Variants in HROB observed in about 807,000 individuals in gnomAD.
HROB encodes the protein homologous recombination factor with OB-fold.
In HROB, 44 loss-of-function variants were observed where a neutral mutation model predicts 61.0. The observed-to-expected ratio is 0.72, with a 90% confidence interval of 0.57 to 0.93. The LOEUF is 0.93. Ranked by LOEUF, HROB falls within the 40% of genes least tolerant of loss-of-function variation. HROB has a pLI of 0.00. For synonymous variants in HROB, 301 were observed against 310.4 expected, an observed-to-expected ratio of 0.97 and a Z score of 0.32; for missense variants, 716 against 796.2, an observed-to-expected ratio of 0.90 and a Z score of 1.21.
intron 9 of HROB, 23 bp downstream of exon 9, chr17:44,157,964 G>A: frequency 6.4e-7 from 1 of 1,566,612 alleles, no homozygotes; most frequent in Non-Finnish European, 8.8e-7. Flanking sequence ...GCCCATCTGG[G>A]AGCAAGAGAG....
chr17:44,152,427 G>GA (rs372164359), intron 4 of HROB, among the ~76,000 whole-genome samples: 2,965 of 131,054 alleles, frequency 0.023, 90 homozygotes, highest in African/African-American at 0.076. Flanking sequence ...AAAGCAATCA[G>GA]AAAAAAAAAA....
At chr17:44,157,741 C>T in intron 8 of HROB, 92 bp from the exon 9 acceptor site, 3 of 904,192 alleles carry the variant, frequency 3.3e-6, no homozygotes, top group Non-Finnish European at 3.4e-6. Flanking sequence ...CTGAGCCCCA[C>T]ACTGTTCGTT....
At chr17:44,159,549 T>C (rs541164435) in intron 9 of HROB, among the ~76,000 whole-genome samples, 1 of 152,116 alleles carries the variant, frequency 6.6e-6, no homozygotes, top group African/African-American at 2.4e-5. Flanking sequence ...CTACCACCAA[T>C]GCGTGGAGTC....
chr17:44,160,493 G>A (rs757843959), intron 9 of HROB, among the ~76,000 whole-genome samples: 3 of 152,084 alleles, frequency 2.0e-5, no homozygotes, highest in Non-Finnish European at 4.4e-5. Flanking sequence ...GCATGAACCT[G>A]GGAGGCGGAG....
intron 4 of HROB, among the ~76,000 whole-genome samples, chr17:44,151,559 A>G (rs1283244806): frequency 6.6e-6 from 1 of 152,182 alleles, no homozygotes; most frequent in Non-Finnish European, 1.5e-5. Context: ...CAGATCTGCC[A>G]GTCCATTTCA....
rs1487253904 is a variant in HROB at position 44,142,013 on chromosome 17, C to T, written c.-130C>T. ...CCCTATATCGCAGAGACTCATCCCT[C>T]TGACCCCAGCCCGGAAGCACTGTCC... On this transcript the variant is annotated 5_prime_UTR_variant, in exon 1 of 10. Coordinates refer to ENST00000585683, the MANE Select transcript of HROB (RefSeq NM_001171251.3). The T allele has an allele frequency of 7.5e-7, 1 of 1,327,590 alleles. No individual in the cohort carries two copies. Among genetic ancestry groups the T allele is most frequent in the Admixed American group, 2.3e-5 (1 of 44,386 alleles). 82.2% of individuals were successfully genotyped at this position (1,327,590 alleles called of 1,614,324 possible).
At chr17:44,160,090 C>CT (rs2054091540) in intron 9 of HROB, among the ~76,000 whole-genome samples, 1 of 152,266 alleles carries the variant, frequency 6.6e-6, no homozygotes, top group Non-Finnish European at 1.5e-5. Flanking sequence ...TTACCAGGCA[C>CT]TGGCGCTACT....
Position 44,162,004 on chromosome 17 carries a change from G to T in HROB, c.*72G>T. ...CATGTGTCTGGTCACATCCAAGGGG[G>T]AGAAGAAGGCCAGCATGATTGGAGA... On this transcript the variant is annotated 3_prime_UTR_variant, in exon 10 of 10. Transcript: ENST00000585683. 6.6e-7 allele frequency: 1 copy of T among 1,512,566 alleles called. No individual in the cohort carries two copies. Among genetic ancestry groups the T allele is most frequent in the Non-Finnish European group, 9.2e-7 (1 of 1,091,522 alleles). The allele number at this position is 1,512,566 out of a possible 1,614,324, so 93.7% of individuals were successfully genotyped here.
intron 4 of HROB, 51 bp downstream of exon 4, chr17:44,151,095 G>A (rs370909879): frequency 2.9e-5 from 44 of 1,508,946 alleles, no homozygotes; most frequent in Middle Eastern, 3.8e-4. Context: ...AGTGAGGGGC[G>A]TCCCTGTGTG....
chr17:44,157,648 C>G (rs1172591903), intron 8 of HROB, among the ~76,000 whole-genome samples, 185 bp from the exon 9 acceptor site: 1 of 152,066 alleles, frequency 6.6e-6, no homozygotes, highest in African/African-American at 2.4e-5. Context: ...CTCCTGACCT[C>G]AAATGATTCA....
intron 3 of HROB, among the ~76,000 whole-genome samples, chr17:44,150,393 T>TTTC (rs1491541239): frequency 4.4e-5 from 2 of 44,990 alleles, no homozygotes; most frequent in African/African-American, 8.4e-4. Context: ...TCTTTCTTTC[T>TTTC]TTTTTTTTTT....
At chr17:44,157,149 G>A (rs1451996391) in intron 8 of HROB, among the ~76,000 whole-genome samples, 1 of 152,034 alleles carries the variant, frequency 6.6e-6, no homozygotes, top group Non-Finnish European at 1.5e-5. Flanking sequence ...TATTCCTTTG[G>A]GGATTGTTAA....
rs1323707878 is a variant in HROB at position 44,148,149 on chromosome 17, A to G, written c.346A>G (p.Arg116Gly). The change falls in exon 3 of 10, where the codon AGA (arginine) becomes GGA (glycine). Residue 116 changes from arginine (R) to glycine (G), a missense_variant. Physicochemically the swap from Arg to Gly is moderately radical, Grantham distance 125 (BLOSUM62 -2). Coordinates refer to ENST00000585683, the MANE Select transcript of HROB (RefSeq NM_001171251.3). ...CAGCAGCTGGATTGGCAATCAGAGA[A>G]GAGTGACAGTGACAGAAGTGCTCAG... ...TSSSWIGNQR[R>G]VTVTEVLRET... The G allele has an allele frequency of 1.2e-6, 2 of 1,614,218 alleles. No individual in the cohort carries two copies. The highest frequency in any genetic ancestry group is 4.5e-5 in the East Asian group (2 of 44,882).
In HROB at chr17:44,155,005, G is replaced by C. The variant is rs1484470211; in HGVS notation, c.1644+67G>C. 28 of 1,545,024 alleles carry C rather than the reference G, an allele frequency of 1.8e-5. No individual in the cohort carries two copies. In the East Asian group the frequency reaches 6.4e-4, roughly 35 times the overall value. The stretch of plus-strand genomic sequence containing the variant: ...GCCCTCAGTGTCTGTCTCCTTACCT[G>C]TTTGGCTGCCTTCCTCTACAACACC... On this transcript the variant is annotated intron_variant, in intron 7 of 9. Coordinates refer to ENST00000585683, the MANE Select transcript of HROB (RefSeq NM_001171251.3).
In HROB at chr17:44,148,987, C is replaced by T. The variant is rs779915838; in HGVS notation, c.1184C>T (p.Thr395Ile). ...ACCCATCCCTCCACCCGAGCCAAAACTCGCCGTTTCCCTGGCCCAGCTGGG... is the reference window on the plus strand; with the variant it reads ...ACCCATCCCTCCACCCGAGCCAAAATTCGCCGTTTCCCTGGCCCAGCTGGG... Reference protein sequence around the residue: ...QPTHPSTRAKTRRFPGPAGIL... With the variant: ...QPTHPSTRAKIRRFPGPAGIL... The change falls in exon 3 of 10, where the codon ACT becomes ATT. Residue 395 changes from threonine (T) to isoleucine (I), a missense_variant. By Grantham distance (89) the Thr-to-Ile change is moderately conservative (BLOSUM62 -1). Coordinates refer to ENST00000585683, the MANE Select transcript of HROB (RefSeq NM_001171251.3). 8.1e-6 allele frequency: 13 copies of T among 1,613,878 alleles called. No homozygotes were observed. Among genetic ancestry groups the T allele is most frequent in the Middle Eastern group, 1.6e-4 (1 of 6,082 alleles).
chr17:44,145,885 A>G (rs2053595532), intron 2 of HROB, among the ~76,000 whole-genome samples: 1 of 152,070 alleles, frequency 6.6e-6, no homozygotes, highest in Admixed American at 6.6e-5. Context: ...TTCAACATTT[A>G]TTTTAAGTTC....
chr17:44,158,868 C>T (rs1009540064), intron 9 of HROB, among the ~76,000 whole-genome samples: 5 of 152,018 alleles, frequency 3.3e-5, no homozygotes, highest in East Asian at 1.9e-4. Context: ...AGGATGGTCT[C>T]GATCTCCTGA....
chr17:44,153,776 G>A (rs1350530600), intron 5 of HROB, among the ~76,000 whole-genome samples: 7 of 152,000 alleles, frequency 4.6e-5, no homozygotes, highest in African/African-American at 1.4e-4. Context: ...CAGGTCAGGC[G>A]GGGTGGGTCA....
At position 44,148,314 on chromosome 17, in the gene HROB, G is replaced by C; in HGVS notation, c.511G>C (p.Gly171Arg). Residue 171 changes from glycine to arginine, a missense_variant, in exon 3 of 10, where the codon GGC becomes CGC. By Grantham distance (125) the Gly-to-Arg change is moderately radical (BLOSUM62 -2). Coordinates refer to ENST00000585683, the MANE Select transcript of HROB (RefSeq NM_001171251.3). Reference sequence around the variant, plus strand: ...GGCAAGCATGGAGTTGGAGGAGCCTGGCATGGAGCTGGAATGTGGAGTCAG... The same window carrying C: ...GGCAAGCATGGAGTTGGAGGAGCCTCGCATGGAGCTGGAATGTGGAGTCAG... ...VLASMELEEP[G>R]MELECGVSSE... The C allele has an allele frequency of 1.2e-6, 2 of 1,614,172 alleles. No homozygotes were observed. Among genetic ancestry groups the C allele is most frequent in the South Asian group, 1.1e-5 (1 of 91,082 alleles).
Sources: allele counts gnomAD v4.1 joint callset (sites outside exome capture counted in the v4.1 genomes callset), GRCh38; gene constraint gnomAD v4.1.1; transcripts MANE v1.5; gene names NCBI Gene and HGNC (gene_info 2026-07-23, HGNC 2026-07-21).